The following WNT11 variants were observed in gnomAD, a reference collection of about 807,000 sequenced individuals.
The protein encoded by WNT11 is Wnt family member 11.
In WNT11, 20 loss-of-function variants were observed where a neutral mutation model predicts 35.6. That is an observed-to-expected ratio of 0.56 (90% confidence interval 0.40 to 0.82). WNT11 has a LOEUF of 0.82. Among genes scored for constraint, WNT11 ranks in the 40% least tolerant of loss-of-function variants. The pLI, the probability that WNT11 is intolerant of heterozygous loss-of-function variation, is 0.00. For missense variants in WNT11, 459 were observed against 504.4 expected, an observed-to-expected ratio of 0.91 and a Z score of 0.86; for synonymous variants, 200 against 211.9, an observed-to-expected ratio of 0.94 and a Z score of 0.49.
rs1422921561 is a variant in WNT11 at position 76,194,824 on chromosome 11, C to T, written c.340G>A (p.Val114Met). ...LERGTRESAF[V>M]YALSAAAISH... The stretch of plus-strand genomic sequence containing the variant: ...ATGGCGGCGGCCGACAGCGCATACA[C>T]GAAGGCCGACTCCCGGGTCCCTGAG... The change falls in exon 3 of 5, where the codon GTG becomes ATG. Residue 114 changes from valine to methionine, a missense_variant. Physicochemically the swap from Val to Met is conservative, Grantham distance 21 (BLOSUM62 1). Coordinates refer to ENST00000322563, the MANE Select transcript of WNT11 (RefSeq NM_004626.3). This position sits in a 1 kb window ranked among gnomAD's most constrained non-coding sequence, Gnocchi z 5.4. 2.0e-6 allele frequency: 3 copies of T among 1,527,466 alleles called. No homozygotes were observed. Among genetic ancestry groups the T allele is most frequent in the East Asian group, 2.4e-5 (1 of 41,902 alleles). The allele number at this position is 1,527,466 out of a possible 1,614,324, so 94.6% of individuals were successfully genotyped here.
chr11:76,209,574 C>A (rs1016315204), upstream of WNT11, among the ~76,000 whole-genome samples: 1 of 152,198 alleles, frequency 6.6e-6, no homozygotes, highest in Non-Finnish European at 1.5e-5. Flanking sequence ...TTCAAGGTTA[C>A]CTGCGGGGCG....
At chr11:76,191,878 A>G (rs765785151) in intron 3 of WNT11, 22 bp from the exon 4 acceptor site, 2 of 1,582,790 alleles carry the variant, frequency 1.3e-6, no homozygotes, top group Non-Finnish European at 1.7e-6. Context: ...GGAAGGCGTC[A>G]GCTGGGTGGC....
chr11:76,208,737 C>T (rs1382060500), upstream of WNT11, among the ~76,000 whole-genome samples: 2 of 152,180 alleles, frequency 1.3e-5, no homozygotes, highest in East Asian at 1.9e-4. Flanking sequence ...AGGCCTCCAG[C>T]CCCGCCCAGC....
In WNT11 at chr11:76,186,768, A is replaced by C; in HGVS notation, c.*297T>G. 1 of 512,318 alleles carries C rather than the reference A, an allele frequency of 2.0e-6. No homozygotes were observed. The highest frequency in any genetic ancestry group is 3.8e-6 in the Non-Finnish European group (1 of 264,580). The allele number at this position is 512,318 out of a possible 1,614,324, so 31.7% of individuals were successfully genotyped here. A position where few individuals can be genotyped will look rare whatever the true frequency, so the allele number is the denominator to read the frequency against. On this transcript the variant is annotated 3_prime_UTR_variant, in exon 5 of 5. Coordinates refer to ENST00000322563, the MANE Select transcript of WNT11 (RefSeq NM_004626.3). ...GGCCCTGAAAGGTCAAGTCTGTATC[A>C]GTCTCACCGATCCCAAGCCCCGCTC...
In WNT11 at chr11:76,206,340, T is replaced by C. The variant is rs1953473227; in HGVS notation, c.68A>G (p.Tyr23Cys). ...CCCTACTCACAGCCACTTGATGCCATAGCACACGCCGGTCTGGAGCGCCAG... is the reference window on the plus strand; with the variant it reads ...CCCTACTCACAGCCACTTGATGCCACAGCACACGCCGGTCTGGAGCGCCAG... ...FALALQTGVC[Y>C]GIKWLALSKT... is the part of the protein sequence containing the mutation. The change falls in exon 1 of 5, where the codon TAT (tyrosine) becomes TGT (cysteine). Residue 23 changes from tyrosine to cysteine, a missense_variant. Transcript: ENST00000322563. 8.9e-6 allele frequency: 14 copies of C among 1,570,110 alleles called. No homozygotes were observed. The highest frequency in any genetic ancestry group is 1.1e-5 in the Non-Finnish European group (13 of 1,162,274).
intron 1 of WNT11, among the ~76,000 whole-genome samples, chr11:76,199,474 T>TA (rs10622676): frequency 0.013 from 1,882 of 143,418 alleles, 37 homozygotes; most frequent in African/African-American, 0.045. Context: ...CTTGTCTACT[T>TA]AAAAAAAAAA....
At chr11:76,205,057 C>T (rs1953450181) in intron 1 of WNT11, among the ~76,000 whole-genome samples, 1 of 152,168 alleles carries the variant, frequency 6.6e-6, no homozygotes, top group Non-Finnish European at 1.5e-5. Context: ...CAGAACTCCT[C>T]AGGGACAGCT....
intron 1 of WNT11, among the ~76,000 whole-genome samples, chr11:76,198,332 G>A (rs1953320116): frequency 6.6e-6 from 1 of 152,202 alleles, no homozygotes; most frequent in African/African-American, 2.4e-5. Flanking sequence ...TTACCACCTT[G>A]GTGGTCTTTT....
At chr11:76,187,270 A>G (rs535746582) in intron 4 of WNT11, 31 bp from the exon 5 acceptor site, 3 of 1,586,046 alleles carry the variant, frequency 1.9e-6, no homozygotes, top group East Asian at 2.2e-5. Flanking sequence ...AGGTCAGTGC[A>G]TGCCTTGGTC....
In WNT11 at chr11:76,196,583, G is replaced by A; in HGVS notation, c.219C>T (p.Ala73=). 2 of 1,613,622 alleles carry A rather than the reference G, an allele frequency of 1.2e-6. No homozygotes were observed. The highest frequency in any genetic ancestry group is 2.2e-5 in the East Asian group (1 of 44,888). ...GGCGACAGGCCTTCATGACCTCGCGGGCGGCGTGCACCACCGTGTGCATGA... is the reference window on the plus strand; with the variant it reads ...GGCGACAGGCCTTCATGACCTCGCGAGCGGCGTGCACCACCGTGTGCATGA... The part of the protein sequence containing the change: ...LELMHTVVHA[A]REVMKACRRA... Residue 73 remains alanine, a synonymous_variant, in exon 2 of 5, where the codon GCC becomes GCT. Transcript: ENST00000322563.
At chr11:76,205,792 G>T (rs1474231680) in intron 1 of WNT11, among the ~76,000 whole-genome samples, 1 of 152,180 alleles carries the variant, frequency 6.6e-6, no homozygotes, top group African/African-American at 2.4e-5. Flanking sequence ...AGCTTCTGAG[G>T]TCCTTTCAGG....
chr11:76,210,084 C>G (rs191369643), upstream of WNT11, among the ~76,000 whole-genome samples: 1 of 150,088 alleles, frequency 6.7e-6, no homozygotes, highest in South Asian at 2.1e-4. Flanking sequence ...TCGCGGGATC[C>G]AAGTCCCCCA....
intron 1 of WNT11, among the ~76,000 whole-genome samples, chr11:76,200,530 G>A (rs1248761583): frequency 1.3e-5 from 2 of 152,338 alleles, no homozygotes; most frequent in Admixed American, 6.5e-5. Flanking sequence ...GCCCTTCCCG[G>A]TTGACAGAGC....
At chr11:76,199,138 A>G (rs1953335311) in intron 1 of WNT11, among the ~76,000 whole-genome samples, 1 of 152,002 alleles carries the variant, frequency 6.6e-6, no homozygotes, top group African/African-American at 2.4e-5. Flanking sequence ...GTCTCAAAAA[A>G]ATAAAATAAA....
At chr11:76,187,302 GA>G in intron 4 of WNT11, 63 bp from the exon 5 acceptor site, 1 of 1,507,582 alleles carries the variant, frequency 6.6e-7, no homozygotes, top group Admixed American at 1.9e-5. Flanking sequence ...AACACCCCAT[GA>G]CTCCCAGCCA....
At chr11:76,207,850 ACCTCATTAACTC>A (rs1953497816), upstream of WNT11, among the ~76,000 whole-genome samples, 1 of 151,032 alleles carries the variant, frequency 6.6e-6, no homozygotes, top group Admixed American at 6.6e-5. Flanking sequence ...CTTCATTCTC[ACCTCATTAACTC>A]CCTTCCCAGC....
upstream of WNT11, chr11:76,206,979 T>C (rs1314232144): frequency 1.3e-5 from 2 of 152,242 alleles, no homozygotes; most frequent in Non-Finnish European, 2.9e-5. Context: ...CATTAGTTAA[T>C]AGGGCCTCGG....
chr11:76,197,188 T>C (rs187242690), intron 1 of WNT11, among the ~76,000 whole-genome samples: 2 of 152,346 alleles, frequency 1.3e-5, no homozygotes, highest in Non-Finnish European at 2.9e-5. Context: ...ACTGAAGCCT[T>C]TCTAGATGCG....
chr11:76,194,500 T>G lies in WNT11; in HGVS notation c.597+67A>C. On this transcript the variant is annotated intron_variant, in intron 3 of 4. Transcript: ENST00000322563. The surrounding 1 kb of genome is among the most constrained non-coding windows in gnomAD (Gnocchi z 5.4). ...CGCACCCCCCACCACTGGGGCAAGC[T>G]GGGTGGCCCTTTTCTGGCCAATGGC... 1 of 1,389,926 alleles carries G rather than the reference T, an allele frequency of 7.2e-7. No homozygotes were observed. The highest frequency in any genetic ancestry group is 9.3e-7 in the Non-Finnish European group (1 of 1,069,968). The allele number at this position is 1,389,926 out of a possible 1,614,324, so 86.1% of individuals were successfully genotyped here.
Sources: allele counts gnomAD v4.1 joint callset (sites outside exome capture counted in the v4.1 genomes callset), GRCh38; gene constraint gnomAD v4.1.1; non-coding constraint Gnocchi (gnomAD v3.1); transcripts MANE v1.5; gene names NCBI Gene and HGNC (gene_info 2026-07-23, HGNC 2026-07-21).